ARHGAP35: variants seen among roughly 807,000 people sequenced by gnomAD.
ARHGAP35 encodes the protein rho GTPase-activating protein 35.
ARHGAP35 carries 15 observed loss-of-function variants against 111.1 expected under a neutral mutation model. That is an observed-to-expected ratio of 0.13 (90% CI 0.09 to 0.21). ARHGAP35 has a LOEUF of 0.21. ARHGAP35 is among the 10% of genes least tolerant of loss of function. The pLI is 1.00. For missense variants in ARHGAP35, 1,262 were observed against 1,873.0 expected, an observed-to-expected ratio of 0.67 and a Z score of 6.02; for synonymous variants, 643 against 710.3, an observed-to-expected ratio of 0.91 and a Z score of 1.51.
intron 1 of ARHGAP35, among the ~76,000 whole-genome samples, chr19:46,875,140 TAA>T (rs899775216): frequency 2.2e-4 from 33 of 152,216 alleles, no homozygotes; most frequent in African/African-American, 7.9e-4. Context: ...GCAATAATTT[TAA>T]AGTTTACCCC....
At chr19:46,966,704 G>A (rs972361951) in intron 3 of ARHGAP35, among the ~76,000 whole-genome samples, 2 of 152,142 alleles carry the variant, frequency 1.3e-5, no homozygotes, top group Non-Finnish European at 1.5e-5. Context: ...TGGAGTGAGT[G>A]TAATAAGTTA....
chr19:46,927,547 G>A (rs940579255), intron 2 of ARHGAP35, among the ~76,000 whole-genome samples: 7 of 152,210 alleles, frequency 4.6e-5, no homozygotes, highest in African/African-American at 1.2e-4. Flanking sequence ...GAAGCTTAGC[G>A]TGGCTGCTCT....
intron 1 of ARHGAP35, among the ~76,000 whole-genome samples, chr19:46,869,192 A>C (rs1463117133): frequency 6.6e-6 from 1 of 151,772 alleles, no homozygotes; most frequent in Non-Finnish European, 1.5e-5. Flanking sequence ...CAGGCCTGAG[A>C]CTCCACATCT....
Position 46,989,308 on chromosome 19 carries a change from C to T in ARHGAP35, c.3905-236C>T. On this transcript the variant is annotated intron_variant, in intron 4 of 6. Transcript: ENST00000672722. This position sits in a 1 kb window ranked among gnomAD's most constrained non-coding sequence, Gnocchi z 5.3. ...AGCATGTGGGGGTAGCACCCCTGCC[C>T]CGAGAGTGGTAGAAGGGGCAGTTCA... The T allele has an allele frequency of 2.2e-6, 1 of 453,892 alleles. No individual in the cohort carries two copies. 28.1% of individuals were successfully genotyped at this position (453,892 alleles called of 1,614,324 possible).
chr19:46,996,295 G>A (rs374404665), intron 5 of ARHGAP35, among the ~76,000 whole-genome samples: 2 of 152,198 alleles, frequency 1.3e-5, no homozygotes, highest in East Asian at 3.9e-4. Context: ...GTAGAGATGG[G>A]GTTTGGCATG....
At chr19:46,905,560 C>T (rs1405765713) in intron 1 of ARHGAP35, among the ~76,000 whole-genome samples, 1 of 145,712 alleles carries the variant, frequency 6.9e-6, no homozygotes, top group South Asian at 2.3e-4. Context: ...ATTCCACCCC[C>T]CCCCCCCAAG....
chr19:46,995,944 C>T (rs1334831924), intron 5 of ARHGAP35, among the ~76,000 whole-genome samples: 1 of 152,180 alleles, frequency 6.6e-6, no homozygotes, highest in Non-Finnish European at 1.5e-5. Flanking sequence ...TGACCTCTGC[C>T]CAGCGAGCTC....
chr19:46,989,813 T>A lies in ARHGAP35; in HGVS notation c.4036+138T>A, dbSNP rs1012592894. On this transcript the variant is annotated intron_variant, in intron 5 of 6. Transcript: ENST00000672722. The surrounding 1 kb of genome is among the most constrained non-coding windows in gnomAD (Gnocchi z 5.3). ...ACAGAGGGCAAGGGAATTAACCAGATGACAGCAATGGGACTTGCAAATCGG... is the reference window on the plus strand; with the variant it reads ...ACAGAGGGCAAGGGAATTAACCAGAAGACAGCAATGGGACTTGCAAATCGG... 39 of 1,396,008 alleles carry A rather than the reference T, an allele frequency of 2.8e-5. No individual in the cohort carries two copies. The African/African-American group carries it at 5.0e-4, about 18-fold the overall frequency. 86.5% of individuals were successfully genotyped at this position (1,396,008 alleles called of 1,614,324 possible). A position where few individuals can be genotyped will look rare whatever the true frequency, so the allele number is the denominator to read the frequency against.
At chr19:46,890,252 G>A (rs1373434208) in intron 1 of ARHGAP35, among the ~76,000 whole-genome samples, 1 of 152,190 alleles carries the variant, frequency 6.6e-6, no homozygotes, top group Non-Finnish European at 1.5e-5. Flanking sequence ...CTAAGGAGGA[G>A]TATGTAAGCT....
rs1299317324 is a variant in ARHGAP35 at position 46,919,651 on chromosome 19, C to T, written c.976C>T (p.His326Tyr). 3 of 1,613,954 alleles carry T rather than the reference C, an allele frequency of 1.9e-6. No homozygotes were observed. The highest frequency in any genetic ancestry group is 1.7e-5 in the Admixed American group (1 of 60,010). ...CAAGAAGCTGTTTCTACAGCACATC[C>T]ACCGCCTCAAGCATGAGCATATCGA... The part of the protein sequence containing the change: ...KAKKLFLQHI[H>Y]RLKHEHIERR... The change falls in exon 2 of 7, where the codon CAC becomes TAC. Residue 326 changes from histidine (H) to tyrosine (Y), a missense_variant. His to Tyr is a moderately conservative substitution (Grantham distance 83). Transcript: ENST00000672722. This position sits in a 1 kb window ranked among gnomAD's most constrained non-coding sequence, Gnocchi z 6.2.
Position 47,001,152 on chromosome 19 carries a change from A to C in ARHGAP35, c.*464A>C, listed in dbSNP as rs1599877464. On this transcript the variant is annotated 3_prime_UTR_variant, in exon 7 of 7. Transcript: ENST00000672722. This position sits in a 1 kb window ranked among gnomAD's most constrained non-coding sequence, Gnocchi z 5.4. ...CTCTTCCCACCTTCCATCTGCACAC[A>C]CCCCCAAGGTAAGGGTACAGCCCGG... 1.6e-6 allele frequency: 2 copies of C among 1,224,436 alleles called. No homozygotes were observed. The highest frequency in any genetic ancestry group is 2.1e-6 in the Non-Finnish European group (2 of 959,334). 75.8% of individuals were successfully genotyped at this position (1,224,436 alleles called of 1,614,324 possible).
intron 1 of ARHGAP35, among the ~76,000 whole-genome samples, chr19:46,872,651 C>T (rs909942628): frequency 5.3e-5 from 8 of 151,886 alleles, no homozygotes; most frequent in African/African-American, 1.9e-4. Context: ...GAGGCCGAGG[C>T]GGGCGGATCA....
chr19:46,888,317 T>TATATAA lies in ARHGAP35; in HGVS notation c.-189+27109_-189+27110insTATAAA, dbSNP rs1568461153. Among the ~76,000 whole-genome samples, 7 of 53,306 alleles carry TATATAA rather than the reference T, an allele frequency of 1.3e-4. 1 individual carries two copies. Among genetic ancestry groups the TATATAA allele is most frequent in the Non-Finnish European group, 2.1e-4 (6 of 28,444 alleles). 35.0% of individuals were successfully genotyped at this position (53,306 alleles called of 152,430 possible). On this transcript the variant is annotated intron_variant, in intron 1 of 6. Transcript: ENST00000672722. The stretch of plus-strand genomic sequence containing the variant: ...ATATATATATATATATATATATATA[T>TATATAA]AAAATATTGATTTTATACACACACA...
At chr19:46,869,037 C>G (rs544868173) in intron 1 of ARHGAP35, among the ~76,000 whole-genome samples, 5 of 150,410 alleles carry the variant, frequency 3.3e-5, no homozygotes, top group Non-Finnish European at 7.4e-5. Flanking sequence ...TCCGAAGTAG[C>G]TGGGATTACA....
chr19:47,001,210 G>A lies in ARHGAP35; in HGVS notation c.*522G>A, dbSNP rs1222616514. The stretch of plus-strand genomic sequence containing the variant: ...CCTCCTTGGGAACGTGTAGGCCACG[G>A]CTCTGCCACCACTAGGTACCTGCTG... On this transcript the variant is annotated 3_prime_UTR_variant, in exon 7 of 7. Coordinates refer to ENST00000672722, the MANE Select transcript of ARHGAP35 (RefSeq NM_004491.5). The surrounding 1 kb of genome is among the most constrained non-coding windows in gnomAD (Gnocchi z 5.4). 9 of 1,273,272 alleles carry A rather than the reference G, an allele frequency of 7.1e-6. No individual in the cohort carries two copies. The African/African-American group carries it at 7.7e-5, about 11-fold the overall frequency. The allele number at this position is 1,273,272 out of a possible 1,614,324, so 78.9% of individuals were successfully genotyped here.
intron 1 of ARHGAP35, among the ~76,000 whole-genome samples, chr19:46,898,792 C>G (rs1272481684): frequency 2.0e-5 from 3 of 151,894 alleles, no homozygotes; most frequent in African/African-American, 7.3e-5. Context: ...GCTGCTGCTG[C>G]TGCTGCTGCT....
At chr19:46,863,223 G>A (rs2089927259) in intron 1 of ARHGAP35, among the ~76,000 whole-genome samples, 2 of 152,112 alleles carry the variant, frequency 1.3e-5, no homozygotes, top group African/African-American at 4.8e-5. Context: ...AGAGGCAAAG[G>A]GGCTGGATTG....
rs11383795 is a variant in ARHGAP35 at position 46,983,606 on chromosome 19, C to CTTTTTTTT, written c.3827-4365_3827-4358dup. 3.5e-4 allele frequency among the ~76,000 whole-genome samples: 24 copies of CTTTTTTTT among 69,276 alleles called. 1 individual carries two copies. Among genetic ancestry groups the CTTTTTTTT allele is most frequent in the South Asian group, 5.7e-4 (1 of 1,754 alleles). 45.4% of individuals were successfully genotyped at this position (69,276 alleles called of 152,430 possible). On this transcript the variant is annotated intron_variant, in intron 3 of 6. Transcript: ENST00000672722. ...TATTTGCCATTCTGTAATGTCCATT[C>CTTTTTTTT]TTTTTTTTTTTTTTTTTTTTTTTTT...
In ARHGAP35 at chr19:46,993,233, A is replaced by T. The variant is rs1415251096; in HGVS notation, c.4036+3558A>T. Among the ~76,000 whole-genome samples, 1 of 152,198 alleles carries T rather than the reference A, an allele frequency of 6.6e-6. No homozygotes were observed. The highest frequency in any genetic ancestry group is 2.4e-5 in the African/African-American group (1 of 41,446). ...GAGTTGTTTACCACCTGGGGCGGGGAGAGCCGACGCCGGACGAGCCTGCGT... is the reference window on the plus strand; with the variant it reads ...GAGTTGTTTACCACCTGGGGCGGGGTGAGCCGACGCCGGACGAGCCTGCGT... On this transcript the variant is annotated intron_variant, in intron 5 of 6. Coordinates refer to ENST00000672722, the MANE Select transcript of ARHGAP35 (RefSeq NM_004491.5). The surrounding 1 kb of genome is among the most constrained non-coding windows in gnomAD (Gnocchi z 4.6).
Sources: allele counts gnomAD v4.1 joint callset (sites outside exome capture counted in the v4.1 genomes callset), GRCh38; gene constraint gnomAD v4.1.1; non-coding constraint Gnocchi (gnomAD v3.1); transcripts MANE v1.5; gene names NCBI Gene and HGNC (gene_info 2026-07-23, HGNC 2026-07-21).